The following NPAS3 variants were observed in gnomAD, a reference collection of about 807,000 sequenced individuals.
NPAS3 encodes neuronal PAS domain-containing protein 3.
NPAS3 carries 14 observed loss-of-function variants against 73.1 expected under a neutral mutation model. The ratio of observed to expected loss-of-function variants is 0.19; its 90% confidence interval spans 0.13 to 0.30. The LOEUF (loss-of-function observed/expected upper bound fraction) is 0.30, where lower values mean the gene tolerates loss of function less well. Among genes scored for constraint, NPAS3 ranks in the 10% least tolerant of loss-of-function variants. NPAS3 has a pLI of 1.00. For synonymous variants in NPAS3, 620 were observed against 541.5 expected, an observed-to-expected ratio of 1.14 and a Z score of -2.01; for missense variants, 1,096 against 1,250.0, an observed-to-expected ratio of 0.88 and a Z score of 1.86.
At chr14:33,507,121 A>C (rs2052803331) in intron 4 of NPAS3, among the ~76,000 whole-genome samples, 1 of 152,004 alleles carries the variant, frequency 6.6e-6, no homozygotes, top group Admixed American at 6.6e-5. Flanking sequence ...ATTTTGTAGA[A>C]TGTAATGAGC....
chr14:33,342,211 C>T (rs747876323), intron 3 of NPAS3, among the ~76,000 whole-genome samples: 3 of 152,144 alleles, frequency 2.0e-5, no homozygotes, highest in Non-Finnish European at 4.4e-5. Context: ...TGGAAGCCCT[C>T]TGTGTGTTGA....
At chr14:33,532,546 C>A (rs930514853) in intron 4 of NPAS3, among the ~76,000 whole-genome samples, 6 of 152,030 alleles carry the variant, frequency 3.9e-5, no homozygotes, top group Admixed American at 6.6e-5. Flanking sequence ...TTTGTCCAAG[C>A]TCATAGGGCT....
chr14:33,119,383 A>AT (rs943796246), intron 2 of NPAS3, among the ~76,000 whole-genome samples: 53 of 152,096 alleles, frequency 3.5e-4, no homozygotes, highest in African/African-American at 8.7e-4. Context: ...CTCTTTTAAT[A>AT]TTTTTTCCCA....
chr14:33,725,331 T>C (rs905190713), intron 6 of NPAS3, among the ~76,000 whole-genome samples: 22 of 152,094 alleles, frequency 1.4e-4, no homozygotes, highest in Admixed American at 6.6e-4. Context: ...TATGACTTTT[T>C]AACATTAAAA....
At chr14:33,310,928 C>G (rs2042977821) in intron 3 of NPAS3, among the ~76,000 whole-genome samples, 1 of 152,004 alleles carries the variant, frequency 6.6e-6, no homozygotes, top group African/African-American at 2.4e-5. Context: ...TCACTGTGCA[C>G]TTTTAGTTCT....
intron 3 of NPAS3, among the ~76,000 whole-genome samples, chr14:33,286,208 C>A (rs2041867005): frequency 6.6e-6 from 1 of 152,152 alleles, no homozygotes; most frequent in Non-Finnish European, 1.5e-5. Flanking sequence ...AGGGCTCTTT[C>A]TACTTCTTTC....
intron 3 of NPAS3, among the ~76,000 whole-genome samples, chr14:33,322,213 T>G (rs2043480176): frequency 6.6e-6 from 1 of 152,180 alleles, no homozygotes; most frequent in African/African-American, 2.4e-5. Flanking sequence ...ATCAAGATGC[T>G]CTTCAGTGAA....
At chr14:33,672,058 A>G (rs146442422) in intron 5 of NPAS3, among the ~76,000 whole-genome samples, 9 of 152,338 alleles carry the variant, frequency 5.9e-5, no homozygotes, top group Non-Finnish European at 8.8e-5. Flanking sequence ...TTATGGAACT[A>G]TGTTACAGTT....
intron 3 of NPAS3, among the ~76,000 whole-genome samples, chr14:33,231,558 T>C (rs909203378): frequency 6.6e-6 from 1 of 152,190 alleles, no homozygotes; most frequent in African/African-American, 2.4e-5. Flanking sequence ...TTCTTTACAC[T>C]TACACATTAC....
upstream of NPAS3, among the ~76,000 whole-genome samples, chr14:32,938,485 T>TAGAGAG (rs1491191135): frequency 0.019 from 424 of 21,754 alleles, 30 homozygotes; most frequent in Non-Finnish European, 0.025. Flanking sequence ...GAGAGAGAAA[T>TAGAGAG]TGAGAGAGAG....
chr14:33,639,986 A>T (rs575983076), intron 5 of NPAS3, among the ~76,000 whole-genome samples: 68 of 152,188 alleles, frequency 4.5e-4, no homozygotes, highest in African/African-American at 1.6e-3. Context: ...GGGAGGCCGA[A>T]GTGGGTGGAT....
chr14:33,374,060 G>A (rs2046213681), intron 4 of NPAS3, among the ~76,000 whole-genome samples: 1 of 152,082 alleles, frequency 6.6e-6, no homozygotes, highest in African/African-American at 2.4e-5. Context: ...TTTTGTTAAG[G>A]TATGTATTTT....
At position 33,340,833 on chromosome 14, in the gene NPAS3, C is replaced by G. The variant is rs146583407; in HGVS notation, c.386-26353C>G. On this transcript the variant is annotated intron_variant, in intron 3 of 11. Transcript: ENST00000356141. Reference sequence around the variant, plus strand: ...AGTTCAAGGTGCTTGCGAAAGAAATCTAAAAATAGAGCAAAAAGGAAACAG... The same window carrying G: ...AGTTCAAGGTGCTTGCGAAAGAAATGTAAAAATAGAGCAAAAAGGAAACAG... 4.4e-3 allele frequency among the ~76,000 whole-genome samples: 671 copies of G among 152,172 alleles called. 6 individuals are homozygous for G. The highest frequency in any genetic ancestry group is 0.015 in the African/African-American group (623 of 41,510).
chr14:33,328,500 T>TCTG (rs2043823746), intron 3 of NPAS3, among the ~76,000 whole-genome samples: 1 of 116,020 alleles, frequency 8.6e-6, no homozygotes, highest in East Asian at 2.9e-4. Flanking sequence ...AGAGTCTCGC[T>TCTG]CTGTCACCCA....
chr14:33,502,224 T>C (rs960447717), intron 4 of NPAS3, among the ~76,000 whole-genome samples: 17 of 152,026 alleles, frequency 1.1e-4, no homozygotes, highest in South Asian at 8.3e-4. Flanking sequence ...CACCTCTTTT[T>C]TTCTGTTTCT....
intron 3 of NPAS3, among the ~76,000 whole-genome samples, chr14:33,301,664 A>G (rs1281845983): frequency 1.3e-5 from 2 of 152,288 alleles, no homozygotes; most frequent in African/African-American, 2.4e-5. Flanking sequence ...TTACTAAAAT[A>G]CTTATATAGG....
At chr14:33,316,818 C>A (rs1259431990) in intron 3 of NPAS3, among the ~76,000 whole-genome samples, 4 of 152,042 alleles carry the variant, frequency 2.6e-5, no homozygotes, top group Admixed American at 6.6e-5. Context: ...CTCTTTAGTA[C>A]CCCCAGGAGT....
At chr14:33,427,824 T>G (rs1228756979) in intron 4 of NPAS3, among the ~76,000 whole-genome samples, 1 of 152,098 alleles carries the variant, frequency 6.6e-6, no homozygotes, top group Non-Finnish European at 1.5e-5. Flanking sequence ...AGATCAATAT[T>G]CTTATATAAA....
chr14:33,643,766 T>C (rs2058745328), intron 5 of NPAS3, among the ~76,000 whole-genome samples: 1 of 152,224 alleles, frequency 6.6e-6, no homozygotes, highest in African/African-American at 2.4e-5. Flanking sequence ...TCTACCCTTT[T>C]TGTCCTTCCA....
Sources: allele counts gnomAD v4.1 joint callset (sites outside exome capture counted in the v4.1 genomes callset), GRCh38; gene constraint gnomAD v4.1.1; transcripts MANE v1.5; gene names NCBI Gene and HGNC (gene_info 2026-07-23, HGNC 2026-07-21).